GPC3: variants seen among roughly 807,000 people sequenced by gnomAD.
GPC3 encodes glypican-3.
GPC3 carries 3 observed loss-of-function variants against 34.4 expected under a neutral mutation model. That is an observed-to-expected ratio of 0.09 (90% CI 0.04 to 0.23). The LOEUF (loss-of-function observed/expected upper bound fraction) is 0.23. Ranked by LOEUF, GPC3 falls within the 10% of genes least tolerant of loss-of-function variation. The pLI is 1.00. For synonymous variants in GPC3, 177 were observed against 174.0 expected (o/e 1.02, Z -0.13); for missense variants, 351 against 445.6 (o/e 0.79, Z 1.91).
intron 2 of GPC3, among the ~76,000 whole-genome samples, chrX:133,797,470 C>A (rs2075587762): frequency 9.0e-6 from 1 of 110,985 alleles, no homozygotes; most frequent in Non-Finnish European, 1.9e-5. Context: ...CCCTGATCAC[C>A]AGCTCTACCC....
At chrX:133,817,644 T>C (rs928382237) in intron 2 of GPC3, among the ~76,000 whole-genome samples, 1 of 109,363 alleles carries the variant, frequency 9.1e-6, no homozygotes, top group African/African-American at 3.4e-5. Flanking sequence ...ATAGGCTTAT[T>C]TCTCCCCAGC....
chrX:133,735,938 G>A (rs1370464846), intron 3 of GPC3, among the ~76,000 whole-genome samples: 5 of 98,347 alleles, frequency 5.1e-5, no homozygotes, highest in African/African-American at 2.0e-4. Context: ...ATTCTAGCCT[G>A]CATGACATAG....
At position 133,645,369 on chromosome X, in the gene GPC3, A is replaced by G. The variant is rs1479342958; in HGVS notation, c.1413+16361T>C. On this transcript the variant is annotated intron_variant, in intron 6 of 7. Coordinates refer to ENST00000370818, the MANE Select transcript of GPC3 (RefSeq NM_004484.4). ...GCCGTTGTCTACCATACTGGGGAGG[A>G]AAGCTTATCATGTTCTCTTCCTTGT... 2.7e-5 allele frequency among the ~76,000 whole-genome samples: 3 copies of G among 111,511 alleles called. No individual in the cohort carries two copies. In the Admixed American group the frequency reaches 2.9e-4, roughly 11 times the overall value.
intron 6 of GPC3, among the ~76,000 whole-genome samples, chrX:133,597,339 C>T (rs1229612916): frequency 1.8e-5 from 2 of 111,424 alleles, no homozygotes; most frequent in African/African-American, 3.3e-5. Context: ...GCACACCGCA[C>T]GAAGGGTCCC....
At chrX:133,906,330 G>A (rs946287132) in intron 2 of GPC3, among the ~76,000 whole-genome samples, 1 of 112,110 alleles carries the variant, frequency 8.9e-6, no homozygotes, top group African/African-American at 3.2e-5. Flanking sequence ...TGCATCAAAT[G>A]TGCCTGTGAA....
chrX:133,874,170 C>T (rs1382887528), intron 2 of GPC3, among the ~76,000 whole-genome samples: 2 of 111,960 alleles, frequency 1.8e-5, no homozygotes, highest in Admixed American at 9.5e-5. Flanking sequence ...TCTCCCATTC[C>T]GTGTTCTTTA....
intron 2 of GPC3, chrX:133,762,792 C>G: frequency 2.1e-6 from 1 of 470,352 alleles, no homozygotes; most frequent in Non-Finnish European, 3.8e-6. Flanking sequence ...GGAAAACTTT[C>G]ACAACGTCCG....
At chrX:133,593,507 G>A (rs925548196) in intron 7 of GPC3, among the ~76,000 whole-genome samples, 1 of 109,217 alleles carries the variant, frequency 9.2e-6, no homozygotes, top group African/African-American at 3.3e-5. Flanking sequence ...GAAGCCAGAA[G>A]GGTAGTTGAG....
chrX:133,810,836 C>T (rs1207101371), intron 2 of GPC3, among the ~76,000 whole-genome samples: 2 of 77,217 alleles, frequency 2.6e-5, no homozygotes, highest in African/African-American at 9.7e-5. Context: ...ACCCGGGAGG[C>T]GGGTGATAGA....
intron 2 of GPC3, among the ~76,000 whole-genome samples, chrX:133,824,330 C>T (rs942005186): frequency 5.4e-5 from 6 of 110,879 alleles, no homozygotes; most frequent in African/African-American, 2.0e-4. Flanking sequence ...GATATAGGTA[C>T]GTTTAAAATA....
Position 133,833,411 on chromosome X carries a change from G to A in GPC3, c.338-79235C>T, listed in dbSNP as rs923288793. On this transcript the variant is annotated intron_variant, in intron 2 of 7. Coordinates refer to ENST00000370818, the MANE Select transcript of GPC3 (RefSeq NM_004484.4). Reference sequence around the variant, plus strand: ...ACAGCAGAAGTGCATCAGTGACAAGGAAGGAGGAGGGAGGGTCTGATTAAA... The same window carrying A: ...ACAGCAGAAGTGCATCAGTGACAAGAAAGGAGGAGGGAGGGTCTGATTAAA... Among the ~76,000 whole-genome samples the A allele has an allele frequency of 5.4e-5, 6 of 111,970 alleles. 1 individual carries two copies. The highest frequency in any genetic ancestry group is 1.6e-4 in the African/African-American group (5 of 30,769).
intron 2 of GPC3, among the ~76,000 whole-genome samples, chrX:133,866,560 A>C (rs1250198234): frequency 4.5e-5 from 5 of 112,277 alleles, no homozygotes; most frequent in African/African-American, 1.6e-4. Context: ...TTTTCCAGAT[A>C]CATTTCTAGA....
Position 133,649,257 on chromosome X carries a change from G to GAT in GPC3, c.1413+12471_1413+12472dup, listed in dbSNP as rs200113472. Among the ~76,000 whole-genome samples the GAT allele has an allele frequency of 9.1e-4, 90 of 98,994 alleles. 1 individual carries two copies. The highest frequency in any genetic ancestry group is 1.8e-3 in the African/African-American group (49 of 27,626). 86.0% of individuals were successfully genotyped at this position (98,994 alleles called of 115,157 possible). A position where few individuals can be genotyped will look rare whatever the true frequency, so the allele number is the denominator to read the frequency against. On this transcript the variant is annotated intron_variant, in intron 6 of 7. Transcript: ENST00000370818. ...TAAATAACTCCTAATAAATGACGAGGATATATATATATGTGTGTGTGTGTG... is the reference window on the plus strand; with the variant it reads ...TAAATAACTCCTAATAAATGACGAGGATATATATATATATGTGTGTGTGTGTG...
intron 6 of GPC3, among the ~76,000 whole-genome samples, chrX:133,626,699 A>C (rs1012912859): frequency 1.9e-5 from 2 of 107,345 alleles, no homozygotes; most frequent in African/African-American, 6.8e-5. Context: ...AAATAGGAAC[A>C]CTTTTACACT....
rs189037271 is a variant in GPC3, at chrX:133,587,368, C to A, written c.1573+9072G>T. On this transcript the variant is annotated intron_variant, in intron 7 of 7. Coordinates refer to ENST00000370818, the MANE Select transcript of GPC3 (RefSeq NM_004484.4). ...CTGTTGTTGGAAACCAAGGTTGAGT[C>A]CATATTTTGGCCATTGTGAATAGTG... 7.1e-5 allele frequency among the ~76,000 whole-genome samples: 8 copies of A among 111,950 alleles called. No homozygotes were observed. In the East Asian group the frequency reaches 2.3e-3, roughly 31 times the overall value.
At chrX:133,822,877 C>T (rs746429047) in intron 2 of GPC3, among the ~76,000 whole-genome samples, 30 of 109,907 alleles carry the variant, frequency 2.7e-4, no homozygotes, top group African/African-American at 9.9e-4. Flanking sequence ...GCTTGTAATC[C>T]CAGCACTTTG....
At position 133,850,750 on chromosome X, in the gene GPC3, C is replaced by T. The variant is rs186758478; in HGVS notation, c.338-96574G>A. 5.7e-4 allele frequency among the ~76,000 whole-genome samples: 64 copies of T among 111,416 alleles called. 1 individual carries two copies. The highest frequency in any genetic ancestry group is 2.0e-3 in the African/African-American group (61 of 30,651). ...CAATAGTCTTTACCTACTCTAACTT[C>T]TTTCCTTAGGCAGAATCTCCAATTA... On this transcript the variant is annotated intron_variant, in intron 2 of 7. Coordinates refer to ENST00000370818, the MANE Select transcript of GPC3 (RefSeq NM_004484.4).
intron 6 of GPC3, among the ~76,000 whole-genome samples, chrX:133,604,624 T>TA (rs369154602): frequency 1.8e-5 from 2 of 111,388 alleles, no homozygotes; most frequent in African/African-American, 6.5e-5. Context: ...CTTTAGCATT[T>TA]AAAAAAAATA....
chrX:133,679,147 A>T (rs2070914056), intron 5 of GPC3, among the ~76,000 whole-genome samples: 1 of 111,267 alleles, frequency 9.0e-6, no homozygotes, highest in Non-Finnish European at 1.9e-5. Context: ...TTTGCTTAAA[A>T]TTTTTTTTAA....
Sources: gnomAD v4.1 joint callset for allele counts (sites outside exome capture counted in the v4.1 genomes callset) on GRCh38, gnomAD v4.1.1 for gene constraint, MANE v1.5 for transcripts, NCBI Gene and HGNC (gene_info 2026-07-23, HGNC 2026-07-21) for gene names.